The following TYW3 variants were observed in gnomAD, a reference collection of about 807,000 sequenced individuals.
The protein encoded by TYW3 is tRNA wybutosine-synthesizing protein 3 homolog.
TYW3 carries 26 observed loss-of-function variants against 23.1 expected under a neutral mutation model. The observed-to-expected ratio is 1.13, with a 90% CI of 0.83 to 1.56. The LOEUF is 1.56. TYW3 is among the 40% of genes most tolerant of loss of function. The pLI is 0.00. For missense variants in TYW3, 316 were observed against 311.9 expected (o/e 1.01, Z -0.10); for synonymous variants, 102 against 105.7 (o/e 0.97, Z 0.21).
At chr1:74,748,491 C>T (rs1648664915) in intron 3 of TYW3, 1 of 389,238 alleles carries the variant, frequency 2.6e-6, no homozygotes, top group Non-Finnish European at 4.5e-6. Flanking sequence ...CAATCACTAG[C>T]CAAATGTCAC....
intron 3 of TYW3, among the ~76,000 whole-genome samples, chr1:74,747,769 A>G (rs971571424): frequency 1.3e-5 from 2 of 150,786 alleles, no homozygotes; most frequent in Non-Finnish European, 2.9e-5. Flanking sequence ...GTATGTGTAT[A>G]TGTGTGTATA....
chr1:74,748,189 A>T (rs1164019290), intron 3 of TYW3, among the ~76,000 whole-genome samples: 1 of 152,130 alleles, frequency 6.6e-6, no homozygotes, highest in African/African-American at 2.4e-5. Context: ...CCTGGGGTTC[A>T]AAATTATTCT....
chr1:74,747,412 C>T (rs911608024), intron 3 of TYW3, among the ~76,000 whole-genome samples: 44 of 151,732 alleles, frequency 2.9e-4, no homozygotes, highest in Non-Finnish European at 4.6e-4. Flanking sequence ...CCGAGGCGGG[C>T]GGATCACGAG....
chr1:74,738,021 A>AG (rs1648210436), intron 2 of TYW3, among the ~76,000 whole-genome samples: 1 of 151,872 alleles, frequency 6.6e-6, no homozygotes, highest in Non-Finnish European at 1.5e-5. Context: ...GAACGTGCTC[A>AG]GGGGCCATTG....
chr1:74,764,354 C>T lies in TYW3; in HGVS notation c.*241C>T. On this transcript the variant is annotated 3_prime_UTR_variant, in exon 6 of 6. Transcript: ENST00000370867. ...TGCTATAGTTATCCCTACTTTTTTA[C>T]CAGTTTCTCCCAGAAGCACCTGCTT... is the stretch of plus-strand genomic sequence containing the variant. 1 of 346,296 alleles carries T rather than the reference C, an allele frequency of 2.9e-6. No homozygotes were observed. The highest frequency in any genetic ancestry group is 8.2e-5 in the South Asian group (1 of 12,162). 21.5% of individuals were successfully genotyped at this position (346,296 alleles called of 1,614,324 possible).
intron 4 of TYW3, among the ~76,000 whole-genome samples, chr1:74,750,800 C>CTTTTT (rs34468239): frequency 3.0e-4 from 20 of 67,668 alleles, no homozygotes; most frequent in Admixed American, 4.7e-4. Context: ...TCCCCCGCTC[C>CTTTTT]TTTTTTTTTT....
At position 74,746,993 on chromosome 1, in the gene TYW3, G is replaced by A. The variant is rs555835807; in HGVS notation, c.355-1758G>A. Among the ~76,000 whole-genome samples the A allele has an allele frequency of 2.6e-5, 4 of 152,308 alleles. No homozygotes were observed. The South Asian group carries it at 8.3e-4, about 32-fold the overall frequency. On this transcript the variant is annotated intron_variant, in intron 3 of 5. Transcript: ENST00000370867. ...GGTTTGGAGTATTCAAAGAACAGAA[G>A]GGAAGCCACTCAAGGTTAGAGAAAA...
At chr1:74,748,855 G>A (rs778492007) in intron 4 of TYW3, 33 bp downstream of exon 4, 20 of 1,585,816 alleles carry the variant, frequency 1.3e-5, no homozygotes, top group Non-Finnish European at 1.7e-5. Flanking sequence ...AATTTTTTTA[G>A]TGTAAAGTGA....
At chr1:74,746,495 T>C (rs1178381227) in intron 3 of TYW3, among the ~76,000 whole-genome samples, 39 of 152,218 alleles carry the variant, frequency 2.6e-4, no homozygotes. Context: ...ATGCTCTTCT[T>C]TGGGCCTAAG....
In TYW3 at chr1:74,764,220, A is replaced by G. The variant is rs1203943326; in HGVS notation, c.*107A>G. On this transcript the variant is annotated 3_prime_UTR_variant, in exon 6 of 6. Coordinates refer to ENST00000370867, the MANE Select transcript of TYW3 (RefSeq NM_138467.3). Reference sequence around the variant, plus strand: ...TGAGTGTATCAGCCATTCATAAGCCAGTAATGACAAGTGCAGAGCTTCAAA... The same window carrying G: ...TGAGTGTATCAGCCATTCATAAGCCGGTAATGACAAGTGCAGAGCTTCAAA... 8.6e-6 allele frequency: 8 copies of G among 928,074 alleles called. No homozygotes were observed. The highest frequency in any genetic ancestry group is 6.5e-6 in the Non-Finnish European group (4 of 619,540). 57.5% of individuals were successfully genotyped at this position (928,074 alleles called of 1,614,324 possible). A position where few individuals can be genotyped will look rare whatever the true frequency, so the allele number is the denominator to read the frequency against.
intron 3 of TYW3, among the ~76,000 whole-genome samples, chr1:74,743,047 G>T (rs188879097): frequency 6.6e-6 from 1 of 152,192 alleles, no homozygotes; most frequent in Non-Finnish European, 1.5e-5. Context: ...CTGTTGTTGG[G>T]TCAGCTGGTT....
chr1:74,735,171 T>G (rs1415553525), intron 1 of TYW3, among the ~76,000 whole-genome samples: 2 of 152,248 alleles, frequency 1.3e-5, no homozygotes, highest in Non-Finnish European at 2.9e-5. Context: ...TCACCTATGC[T>G]ATGTTTTATT....
At chr1:74,754,268 C>A (rs1023173661) in intron 5 of TYW3, among the ~76,000 whole-genome samples, 2 of 152,128 alleles carry the variant, frequency 1.3e-5, no homozygotes, top group African/African-American at 4.8e-5. Flanking sequence ...GCCACGTTCA[C>A]CAACTATAAA....
chr1:74,752,256 C>G (rs1051480065), intron 4 of TYW3, 36 bp from the exon 5 acceptor site: 2 of 1,565,330 alleles, frequency 1.3e-6, no homozygotes, highest in African/African-American at 1.4e-5. Flanking sequence ...TCTGTGGTAT[C>G]TAAGTCTTCA....
rs766606068 is a variant in TYW3, at chr1:74,733,198, C to A, written c.-47C>A. On this transcript the variant is annotated 5_prime_UTR_variant, in exon 1 of 6. Coordinates refer to ENST00000370867, the MANE Select transcript of TYW3 (RefSeq NM_138467.3). ...CAATATGGCTGCCCCCAGGGAGAGACGAGGCTACCATGAAGGAGCCGAGCG... is the reference window on the plus strand; with the variant it reads ...CAATATGGCTGCCCCCAGGGAGAGAAGAGGCTACCATGAAGGAGCCGAGCG... 5.6e-6 allele frequency: 9 copies of A among 1,598,728 alleles called. No homozygotes were observed. Among genetic ancestry groups the A allele is most frequent in the South Asian group, 1.1e-5 (1 of 88,706 alleles).
intron 3 of TYW3, among the ~76,000 whole-genome samples, chr1:74,742,552 G>T (rs1271266288): frequency 2.6e-5 from 4 of 152,174 alleles, no homozygotes; most frequent in South Asian, 2.1e-4. Context: ...CTAATGGGAT[G>T]TTCTGCCTGG....
chr1:74,733,199 G>C lies in TYW3; in HGVS notation c.-46G>C. The C allele has an allele frequency of 6.2e-7, 1 of 1,600,348 alleles. No homozygotes were observed. The highest frequency in any genetic ancestry group is 8.5e-7 in the Non-Finnish European group (1 of 1,172,836). ...AATATGGCTGCCCCCAGGGAGAGACGAGGCTACCATGAAGGAGCCGAGCGC... is the reference window on the plus strand; with the variant it reads ...AATATGGCTGCCCCCAGGGAGAGACCAGGCTACCATGAAGGAGCCGAGCGC... On this transcript the variant is annotated 5_prime_UTR_variant, in exon 1 of 6. Transcript: ENST00000370867.
In TYW3 at chr1:74,742,518, C is replaced by T. The variant is rs373373589; in HGVS notation, c.354+3730C>T. On this transcript the variant is annotated intron_variant, in intron 3 of 5. Coordinates refer to ENST00000370867, the MANE Select transcript of TYW3 (RefSeq NM_138467.3). Reference sequence around the variant, plus strand: ...ACCTCTTGGAGGGGGTTGTTCCATACCAAGGGTCCTTCCGTAGGTATTTCT... The same window carrying T: ...ACCTCTTGGAGGGGGTTGTTCCATATCAAGGGTCCTTCCGTAGGTATTTCT... Among the ~76,000 whole-genome samples, 12 of 152,140 alleles carry T rather than the reference C, an allele frequency of 7.9e-5. No individual in the cohort carries two copies. In the East Asian group the frequency reaches 1.2e-3, roughly 15 times the overall value.
chr1:74,737,590 A>G (rs1000967971), intron 2 of TYW3, among the ~76,000 whole-genome samples: 4 of 152,228 alleles, frequency 2.6e-5, no homozygotes, highest in African/African-American at 9.6e-5. Context: ...GTGTGAAGGC[A>G]GGACGATGTT....
Sources: allele counts gnomAD v4.1 joint callset (sites outside exome capture counted in the v4.1 genomes callset), GRCh38; gene constraint gnomAD v4.1.1; transcripts MANE v1.5; gene names NCBI Gene and HGNC (gene_info 2026-07-23, HGNC 2026-07-21).